The following POLR1A variants were observed in gnomAD, a reference collection of about 807,000 sequenced individuals.
POLR1A encodes RNA polymerase I subunit A.
POLR1A carries 84 observed loss-of-function variants against 205.3 expected under a neutral mutation model. The observed-to-expected ratio is 0.41, with a 90% confidence interval of 0.34 to 0.49. The LOEUF is 0.49. Among genes scored for constraint, POLR1A ranks in the 20% least tolerant of loss-of-function variants. The pLI is 0.22. For missense variants in POLR1A, 1,645 were observed against 2,204.5 expected (o/e 0.75, Z 5.08); for synonymous variants, 799 against 863.7 (o/e 0.93, Z 1.31).
intron 11 of POLR1A, among the ~76,000 whole-genome samples, chr2:86,075,512 A>AT (rs960175414): frequency 2.0e-4 from 31 of 151,616 alleles, no homozygotes; most frequent in African/African-American, 6.8e-4. Flanking sequence ...AGTTTATATA[A>AT]TTTTTTTTTC....
intron 15 of POLR1A, 80 bp from the exon 16 acceptor site, chr2:86,053,080 A>G (rs1361914473): frequency 2.5e-5 from 27 of 1,090,208 alleles, no homozygotes; most frequent in Non-Finnish European, 3.4e-5. Context: ...TCCATGTGTG[A>G]CCCTCGTTGT....
chr2:86,026,957 C>CATTAAAAA lies in POLR1A; in HGVS notation c.*465_*466insTTTTTAAT. 1.1e-5 allele frequency: 2 copies of CATTAAAAA among 179,860 alleles called. No homozygotes were observed. Among genetic ancestry groups the CATTAAAAA allele is most frequent in the East Asian group, 1.3e-4 (1 of 7,692 alleles). 11.1% of individuals were successfully genotyped at this position (179,860 alleles called of 1,614,324 possible). On this transcript the variant is annotated 3_prime_UTR_variant, in exon 34 of 34. Transcript: ENST00000263857. ...CAGCAGGCTCCACGTTCCTGCTCAT[C>CATTAAAAA]GGGAGCCCCCAGGAATCTTGTCTGT...
intron 18 of POLR1A, 113 bp downstream of exon 18, chr2:86,048,771 A>G: frequency 1.1e-6 from 1 of 915,814 alleles, no homozygotes; most frequent in South Asian, 1.6e-5. Flanking sequence ...TCACCTAGTC[A>G]GCTGTTCAAC....
In POLR1A at chr2:86,088,606, C is replaced by T; in HGVS notation, c.690G>A (p.Met230Ile). The T allele has an allele frequency of 1.2e-6, 2 of 1,614,022 alleles. No individual in the cohort carries two copies. Among genetic ancestry groups the T allele is most frequent in the South Asian group, 1.1e-5 (1 of 91,074 alleles). Residue 230 changes from methionine (M) to isoleucine (I), a missense_variant, in exon 6 of 34, where the codon ATG (methionine) becomes ATA (isoleucine). Around this residue, in one of 16 missense-constraint regions of POLR1A, gnomAD observed 330 missense variants for 375.6 expected, o/e 0.88. Coordinates refer to ENST00000263857, the MANE Select transcript of POLR1A (RefSeq NM_015425.6). ...NSKLTITFPA[M>I]VHRTAGQKDS... is the part of the protein sequence containing the mutation. ...CCTTCTGGCCAGCTGTCCTGTGCAC[C>T]ATGGCTGGAAACGTGATAGTCAACT...
At chr2:86,081,199 C>A (rs1673395281) in intron 8 of POLR1A, among the ~76,000 whole-genome samples, 1 of 152,076 alleles carries the variant, frequency 6.6e-6, no homozygotes, top group Admixed American at 6.6e-5. Context: ...AGTTCGAGAC[C>A]AGCCTGGCCA....
chr2:86,101,998 T>C (rs979923670), intron 1 of POLR1A, among the ~76,000 whole-genome samples: 3 of 152,212 alleles, frequency 2.0e-5, no homozygotes, highest in Non-Finnish European at 4.4e-5. Flanking sequence ...CAATATCCCA[T>C]TGCATGTATA....
chr2:86,068,490 C>T (rs1030239439), intron 13 of POLR1A, among the ~76,000 whole-genome samples: 8 of 147,278 alleles, frequency 5.4e-5, no homozygotes, highest in Non-Finnish European at 1.0e-4. Flanking sequence ...GAAAATCACA[C>T]CAACCTCATA....
At chr2:86,043,310 G>T (rs1341968134) in intron 22 of POLR1A, 115 bp from the exon 23 acceptor site, 11 of 809,294 alleles carry the variant, frequency 1.4e-5, no homozygotes, top group Non-Finnish European at 2.0e-5. Flanking sequence ...TGGCTGGTGT[G>T]GAGCCCTCAT....
At chr2:86,045,898 C>A (rs1299450914) in intron 19 of POLR1A, 129 bp from the exon 20 acceptor site, 1 of 737,736 alleles carries the variant, frequency 1.4e-6, no homozygotes, top group Non-Finnish European at 2.2e-6. Context: ...TGAAGGCTAA[C>A]CTACATTTCT....
chr2:86,066,442 C>T (rs774552397), intron 13 of POLR1A, among the ~76,000 whole-genome samples: 9 of 152,130 alleles, frequency 5.9e-5, no homozygotes, highest in Admixed American at 1.3e-4. Flanking sequence ...CCTTATCTGT[C>T]GGGTCTGTGT....
chr2:86,067,464 C>T (rs1445294736), intron 13 of POLR1A, among the ~76,000 whole-genome samples: 3 of 152,060 alleles, frequency 2.0e-5, no homozygotes, highest in Non-Finnish European at 4.4e-5. Context: ...CAAAAAGTAA[C>T]ACATAAATGA....
rs894661041 is a variant in POLR1A at position 86,022,336 on chromosome 2, G to A, written c.*5087C>T. ...TTGCAGACATCTGTCATGGCACGATGACAGCTTTACTGCACGTGCACTCAC... is the reference window on the plus strand; with the variant it reads ...TTGCAGACATCTGTCATGGCACGATAACAGCTTTACTGCACGTGCACTCAC... On this transcript the variant is annotated 3_prime_UTR_variant, in exon 34 of 34. Coordinates refer to ENST00000263857, the MANE Select transcript of POLR1A (RefSeq NM_015425.6). The A allele has an allele frequency of 6.6e-6, 1 of 152,208 alleles. No homozygotes were observed. The highest frequency in any genetic ancestry group is 2.4e-5 in the African/African-American group (1 of 41,448). 9.4% of individuals were successfully genotyped at this position (152,208 alleles called of 1,614,324 possible).
intron 25 of POLR1A, 132 bp from the exon 26 acceptor site, chr2:86,039,594 C>T: frequency 9.3e-7 from 1 of 1,079,322 alleles, no homozygotes; most frequent in Non-Finnish European, 1.4e-6. Context: ...GGATAATATG[C>T]TAGATCAGAG....
intron 13 of POLR1A, 73 bp from the exon 14 acceptor site, chr2:86,065,538 G>T: frequency 7.9e-7 from 1 of 1,265,384 alleles, no homozygotes; most frequent in Non-Finnish European, 1.1e-6. Flanking sequence ...CTAATCGCCT[G>T]CCTGGAAGCC....
At chr2:86,078,340 G>T in intron 9 of POLR1A, 56 bp from the exon 10 acceptor site, 1 of 1,415,312 alleles carries the variant, frequency 7.1e-7, no homozygotes, top group Non-Finnish European at 9.6e-7. Context: ...AAAAGGCCTG[G>T]CTTGATTTAA....
intron 3 of POLR1A, 143 bp from the exon 4 acceptor site, chr2:86,090,072 A>G (rs1273890729): frequency 1.7e-6 from 1 of 600,166 alleles, no homozygotes; most frequent in Non-Finnish European, 3.0e-6. Flanking sequence ...TGCACTTTCA[A>G]AAGAGTGAGA....
chr2:86,033,867 G>T (rs1019857701), intron 27 of POLR1A, 80 bp from the exon 28 acceptor site: 2 of 1,537,136 alleles, frequency 1.3e-6, no homozygotes, highest in African/African-American at 1.4e-5. Context: ...ATAGGACGCT[G>T]AGGGATTCCC....
At chr2:86,096,846 C>T (rs1673713356) in intron 3 of POLR1A, among the ~76,000 whole-genome samples, 1 of 152,056 alleles carries the variant, frequency 6.6e-6, no homozygotes, top group African/African-American at 2.4e-5. Context: ...GCACAGGCAA[C>T]AAAAGCCAAA....
intron 9 of POLR1A, 148 bp from the exon 10 acceptor site, chr2:86,078,432 GCT>G: frequency 1.7e-6 from 1 of 593,950 alleles, no homozygotes; most frequent in Non-Finnish European, 2.9e-6. Flanking sequence ...AGACAAACAT[GCT>G]AATAAATCAA....
Sources: gnomAD v4.1 joint callset for allele counts (sites outside exome capture counted in the v4.1 genomes callset) on GRCh38, gnomAD v4.1.1 for gene constraint, gnomAD v4.1.1 regional missense constraint, MANE v1.5 for transcripts, NCBI Gene and HGNC (gene_info 2026-07-23, HGNC 2026-07-21) for gene names.